The following LRATD1 variants were observed in gnomAD, a reference collection of about 807,000 sequenced individuals.
LRATD1 encodes the protein protein LRATD1.
LRATD1 carries 8 observed loss-of-function variants against 21.3 expected under a neutral mutation model. The observed-to-expected ratio is 0.38, with a 90% CI of 0.22 to 0.68. The LOEUF (loss-of-function observed/expected upper bound fraction) is 0.68. Ranked by LOEUF, LRATD1 falls within the 30% of genes least tolerant of loss-of-function variation. The pLI is 0.54. For missense variants in LRATD1, 380 were observed against 404.0 expected, an observed-to-expected ratio of 0.94 and a Z score of 0.51; for synonymous variants, 210 against 186.2, an observed-to-expected ratio of 1.13 and a Z score of -1.04.
At chr2:14,643,200 G>A (rs551217603), downstream of LRATD1, among the ~76,000 whole-genome samples, 4 of 152,142 alleles carry the variant, frequency 2.6e-5, no homozygotes, top group Non-Finnish European at 5.9e-5. Context: ...AGAAATCAGT[G>A]CCCCTTGCAT....
chr2:14,646,205 A>T (rs2103413691), exon 3 of LRATD1: 1 of 152,302 alleles, frequency 6.6e-6, no homozygotes, highest in East Asian at 1.9e-4. Context: ...TTTCACAATG[A>T]TCTACCTTAG....
Position 14,634,203 on chromosome 2 carries a change from T to A in LRATD1, c.224T>A (p.Leu75Gln). Residue 75 changes from leucine to glutamine, a missense_variant, in exon 2 of 2, where the codon CTG becomes CAG. By Grantham distance (113) the Leu-to-Gln change is moderately radical (BLOSUM62 -2). Coordinates refer to ENST00000295092, the MANE Select transcript of LRATD1 (RefSeq NM_145175.4). ...PESPSRHHHH[L>Q]LHQLVLNETQ... ...AGCCCCAGCCGCCACCACCACCACCTGCTGCACCAGCTGGTCCTCAACGAG... is the reference window on the plus strand; with the variant it reads ...AGCCCCAGCCGCCACCACCACCACCAGCTGCACCAGCTGGTCCTCAACGAG... 6.2e-7 allele frequency: 1 copy of A among 1,613,338 alleles called. No individual in the cohort carries two copies. Among genetic ancestry groups the A allele is most frequent in the Middle Eastern group, 1.7e-4 (1 of 6,058 alleles).
chr2:14,651,054 T>C (rs10200543), downstream of LRATD1, among the ~76,000 whole-genome samples: 74,417 of 151,986 alleles, frequency 0.49, 21,155 homozygotes, highest in African/African-American at 0.8. Context: ...ATTTCCATCC[T>C]GCTCATCCTC....
exon 6 of LRATD1, chr2:14,649,540 C>A (rs1671965784): frequency 5.5e-6 from 2 of 364,600 alleles, no homozygotes; most frequent in South Asian, 4.1e-5. Context: ...TGCGTGTAGC[C>A]TATATCCAGC....
chr2:14,649,815 A>C (rs909373311), downstream of LRATD1: 1 of 155,536 alleles, frequency 6.4e-6, no homozygotes, highest in Non-Finnish European at 1.4e-5. Context: ...CTAACGCCCC[A>C]GGTGATGATA....
At position 14,639,454 on chromosome 2, in the gene LRATD1, C is replaced by A. The variant is rs1671763289; in HGVS notation, c.*4596C>A. ...CAACAGGGGACACCTGTTCTCCCTT[C>A]TAACTGAAGACACTAAAGAGAAGCT... is the stretch of plus-strand genomic sequence containing the variant. On this transcript the variant is annotated 3_prime_UTR_variant, in exon 2 of 2. Transcript: ENST00000295092. 6.0e-6 allele frequency: 1 copy of A among 166,758 alleles called. No individual in the cohort carries two copies. The highest frequency in any genetic ancestry group is 1.5e-5 in the Non-Finnish European group (1 of 68,088). The allele number at this position is 166,758 out of a possible 1,614,324, so 10.3% of individuals were successfully genotyped here.
chr2:14,640,879 G>C (rs553268893), downstream of LRATD1, among the ~76,000 whole-genome samples: 5 of 152,226 alleles, frequency 3.3e-5, no homozygotes, highest in Non-Finnish European at 7.3e-5. Context: ...GTCTGCCCAG[G>C]GGGTCTGAGC....
downstream of LRATD1, among the ~76,000 whole-genome samples, chr2:14,643,293 T>C (rs1052951518): frequency 6.6e-6 from 1 of 152,212 alleles, no homozygotes; most frequent in African/African-American, 2.4e-5. Flanking sequence ...CCATCCTTTA[T>C]AGGCCAACAA....
chr2:14,649,708 C>T (rs762982592), downstream of LRATD1: 101 of 198,380 alleles, frequency 5.1e-4, no homozygotes, highest in Non-Finnish European at 9.0e-4. Flanking sequence ...AGGAGGCCTG[C>T]GTGGACTCAC....
In LRATD1 at chr2:14,636,287, A is replaced by C. The variant is rs1671687351; in HGVS notation, c.*1429A>C. On this transcript the variant is annotated 3_prime_UTR_variant, in exon 2 of 2. Coordinates refer to ENST00000295092, the MANE Select transcript of LRATD1 (RefSeq NM_145175.4). ...TCACTGCTTTGGTGGAAATTGGTGG[A>C]AATTGCTAGCAGGTTCCACGATGTT... The C allele has an allele frequency of 6.0e-6, 1 of 167,160 alleles. No individual in the cohort carries two copies. Among genetic ancestry groups the C allele is most frequent in the African/African-American group, 2.4e-5 (1 of 41,452 alleles). 10.4% of individuals were successfully genotyped at this position (167,160 alleles called of 1,614,324 possible).
rs756525535 is a variant in LRATD1 at position 14,634,739 on chromosome 2, G to A, written c.760G>A (p.Val254Ile). The part of the protein sequence containing the change: ...YLKVHLGENK[V>I]HTARFHSLED... ...CAAGGTGCACCTGGGAGAGAACAAGGTCCACACCGCCAGGTTTCACAGCCT... is the reference window on the plus strand; with the variant it reads ...CAAGGTGCACCTGGGAGAGAACAAGATCCACACCGCCAGGTTTCACAGCCT... The change falls in exon 2 of 2, where the codon GTC (valine) becomes ATC (isoleucine). Residue 254 changes from valine (V) to isoleucine (I), a missense_variant. Coordinates refer to ENST00000295092, the MANE Select transcript of LRATD1 (RefSeq NM_145175.4). 62 of 1,569,826 alleles carry A rather than the reference G, an allele frequency of 3.9e-5. No homozygotes were observed. Among genetic ancestry groups the A allele is most frequent in the Non-Finnish European group, 5.4e-5 (62 of 1,155,000 alleles).
chr2:14,649,210 A>T (rs1372606756), intron 4 of LRATD1: 1 of 448,440 alleles, frequency 2.2e-6, no homozygotes, highest in Non-Finnish European at 4.5e-6. Context: ...GGGAGGGGGG[A>T]TGTGGAGAGG....
chr2:14,642,652 C>CG (rs1671826540), downstream of LRATD1, among the ~76,000 whole-genome samples: 2 of 11,488 alleles, frequency 1.7e-4, no homozygotes, highest in Non-Finnish European at 3.5e-4. Context: ...TGTATGGGGT[C>CG]GGGGGGTGGG....
At chr2:14,647,732 A>C (rs1446487605) in intron 4 of LRATD1, among the ~76,000 whole-genome samples, 1 of 152,118 alleles carries the variant, frequency 6.6e-6, no homozygotes, top group Admixed American at 6.6e-5. Context: ...TGACACTGTG[A>C]TCTCAGATTT....
At position 14,638,810 on chromosome 2, in the gene LRATD1, A is replaced by C. The variant is rs1034488516; in HGVS notation, c.*3952A>C. On this transcript the variant is annotated 3_prime_UTR_variant, in exon 2 of 2. Coordinates refer to ENST00000295092, the MANE Select transcript of LRATD1 (RefSeq NM_145175.4). The stretch of plus-strand genomic sequence containing the variant: ...AGAATCCAGTTAGTTTTTGCCTTTC[A>C]GAGGTGATTTGCCACGTGCACAAAG... 3.0e-5 allele frequency: 5 copies of C among 166,948 alleles called. No individual in the cohort carries two copies. Among genetic ancestry groups the C allele is most frequent in the Admixed American group, 2.6e-4 (4 of 15,266 alleles). The allele number at this position is 166,948 out of a possible 1,614,324, so 10.3% of individuals were successfully genotyped here. A position where few individuals can be genotyped will look rare whatever the true frequency, so the allele number is the denominator to read the frequency against.
rs776053990 is a variant in LRATD1, at chr2:14,635,197, G to A, written c.*339G>A. ...GGAGAAAGGACATGGCCTTCCCCGC[G>A]AGTCCATGGCCAGTGACTGTGGCCC... On this transcript the variant is annotated 3_prime_UTR_variant, in exon 2 of 2. Coordinates refer to ENST00000295092, the MANE Select transcript of LRATD1 (RefSeq NM_145175.4). 250 of 603,768 alleles carry A rather than the reference G, an allele frequency of 4.1e-4. 1 individual carries two copies. Among genetic ancestry groups the A allele is most frequent in the Non-Finnish European group, 2.8e-4 (87 of 312,338 alleles). 37.4% of individuals were successfully genotyped at this position (603,768 alleles called of 1,614,324 possible).
At position 14,648,606 on chromosome 2, in the gene LRATD1, A is replaced by C. The variant is rs7561927; in HGVS notation, n.437-710A>C. 2.4e-3 allele frequency among the ~76,000 whole-genome samples: 369 copies of C among 152,254 alleles called. 1 individual carries two copies. Among genetic ancestry groups the C allele is most frequent in the African/African-American group, 8.6e-3 (356 of 41,558 alleles). On this transcript the variant is annotated intron_variant and non_coding_transcript_variant, in intron 4 of 5. Transcript: ENST00000464947. ...TAACACATCCTGTAACCTTTGTCAA[A>C]CCCCTGTAAACACTTGTATAAGAAT...
chr2:14,634,787 C>T lies in LRATD1; in HGVS notation c.808C>T (p.Arg270Cys). ...HSLEDLIREK[R>C]RIDASGRLRV... is the part of the protein sequence containing the mutation. ...CCTGGAAGACCTCATCCGCGAGAAG[C>T]GCCGTATCGACGCCAGCGGCCGCCT... The change falls in exon 2 of 2, where the codon CGC (arginine) becomes TGC (cysteine). Residue 270 changes from arginine (R) to cysteine (C), a missense_variant. Arg to Cys is a radical substitution (Grantham distance 180, BLOSUM62 -3). Transcript: ENST00000295092. 1 of 1,602,832 alleles carries T rather than the reference C, an allele frequency of 6.2e-7. No individual in the cohort carries two copies. The highest frequency in any genetic ancestry group is 1.1e-5 in the South Asian group (1 of 89,708).
At chr2:14,647,574 G>A (rs991528069) in intron 4 of LRATD1, among the ~76,000 whole-genome samples, 7 of 152,102 alleles carry the variant, frequency 4.6e-5, no homozygotes, top group African/African-American at 1.7e-4. Flanking sequence ...GTTAGGTCAT[G>A]AGGGTGGACC....
Sources: gnomAD v4.1 joint callset for allele counts (sites outside exome capture counted in the v4.1 genomes callset) on GRCh38, gnomAD v4.1.1 for gene constraint, MANE v1.5 for transcripts, NCBI Gene and HGNC (gene_info 2026-07-23, HGNC 2026-07-21) for gene names.